RAPGEF6: variants seen among roughly 807,000 people sequenced by gnomAD.
The protein encoded by RAPGEF6 is PDZ domain containing guanine nucleotide exchange factor (GEF) 2.
In RAPGEF6, 56 loss-of-function variants were observed where a neutral mutation model predicts 171.4. The observed-to-expected ratio is 0.33, with a 90% CI of 0.26 to 0.41. The LOEUF (loss-of-function observed/expected upper bound fraction) is 0.41, where lower values mean the gene tolerates loss of function less well. Ranked by LOEUF, RAPGEF6 falls within the 10% of genes least tolerant of loss-of-function variation. RAPGEF6 has a pLI of 1.00. For missense variants in RAPGEF6, 1,674 were observed against 1,921.4 expected, an observed-to-expected ratio of 0.87 and a Z score of 2.41; for synonymous variants, 692 against 650.1, an observed-to-expected ratio of 1.06 and a Z score of -0.98.
intron 1 of RAPGEF6, among the ~76,000 whole-genome samples, chr5:131,609,656 AAC>A (rs766176290): frequency 3.3e-5 from 5 of 152,218 alleles, no homozygotes; most frequent in Non-Finnish European, 7.3e-5. Context: ...ACCTGTCAGC[AAC>A]AGAGACCAAC....
rs1751433503 is a variant in RAPGEF6, at chr5:131,427,252, A to T, written c.*14T>A. 3 of 1,607,208 alleles carry T rather than the reference A, an allele frequency of 1.9e-6. No homozygotes were observed. The highest frequency in any genetic ancestry group is 1.3e-5 in the African/African-American group (1 of 74,806). ...CCACGACTTTCAGTGGTTTTCAAAT[A>T]GGTCATCCAAAGGCTAGACTGCTGA... On this transcript the variant is annotated 3_prime_UTR_variant, in exon 28 of 28. Coordinates refer to ENST00000509018, the MANE Select transcript of RAPGEF6 (RefSeq NM_016340.6).
chr5:131,592,586 C>G (rs535053136), intron 3 of RAPGEF6, 120 bp from the exon 4 acceptor site: 1 of 1,443,946 alleles, frequency 6.9e-7, no homozygotes, highest in East Asian at 2.6e-5. Context: ...GTAACACTAC[C>G]TGGAAATTTG....
At position 131,531,748 on chromosome 5, in the gene RAPGEF6, T is replaced by G. The variant is rs559250065; in HGVS notation, c.496-10227A>C. Among the ~76,000 whole-genome samples, 5 of 152,282 alleles carry G rather than the reference T, an allele frequency of 3.3e-5. No individual in the cohort carries two copies. In the South Asian group the frequency reaches 8.3e-4, roughly 25 times the overall value. On this transcript the variant is annotated intron_variant, in intron 6 of 27. Coordinates refer to ENST00000509018, the MANE Select transcript of RAPGEF6 (RefSeq NM_016340.6). ...GAAAAATGTCATATAATCTGGCAAT[T>G]AGACTAACATACCTAAATATATCAA...
At chr5:131,524,639 AGAG>A (rs1561535018) in intron 6 of RAPGEF6, among the ~76,000 whole-genome samples, 2 of 124,858 alleles carry the variant, frequency 1.6e-5, no homozygotes, top group African/African-American at 5.5e-5. Context: ...AGAGAGAGAG[AGAG>A]ACTTGCTCTG....
At chr5:131,545,818 A>G (rs1037867296) in intron 6 of RAPGEF6, among the ~76,000 whole-genome samples, 4 of 152,224 alleles carry the variant, frequency 2.6e-5, no homozygotes, top group East Asian at 1.9e-4. Context: ...TTAATAAATC[A>G]GTTTTGTCTA....
intron 1 of RAPGEF6, among the ~76,000 whole-genome samples, chr5:131,633,916 A>G (rs1289474833): frequency 1.3e-5 from 2 of 152,208 alleles, no homozygotes; most frequent in African/African-American, 4.8e-5. Context: ...TTATAAATGT[A>G]TATCTCAAAA....
intron 19 of RAPGEF6, among the ~76,000 whole-genome samples, chr5:131,457,907 T>A (rs1753630351): frequency 1.3e-5 from 2 of 152,168 alleles, no homozygotes; most frequent in African/African-American, 4.8e-5. Flanking sequence ...TGAAGAAAAT[T>A]AGATTGTTTA....
chr5:131,622,285 A>G (rs1321612699), intron 1 of RAPGEF6, among the ~76,000 whole-genome samples: 1 of 152,226 alleles, frequency 6.6e-6, no homozygotes, highest in Non-Finnish European at 1.5e-5. Flanking sequence ...TTTGATTCTG[A>G]GAGATTGAGG....
intron 1 of RAPGEF6, among the ~76,000 whole-genome samples, chr5:131,610,396 G>A (rs1764866512): frequency 6.6e-6 from 1 of 152,202 alleles, no homozygotes; most frequent in Non-Finnish European, 1.5e-5. Flanking sequence ...AAGAAGAGTT[G>A]CCATTTTGGC....
At chr5:131,545,591 T>C (rs372163349) in intron 6 of RAPGEF6, among the ~76,000 whole-genome samples, 1 of 152,214 alleles carries the variant, frequency 6.6e-6, no homozygotes, top group African/African-American at 2.4e-5. Flanking sequence ...CTACATAGCA[T>C]CCTTACCTAG....
chr5:131,629,490 C>T (rs1766158770), intron 1 of RAPGEF6, among the ~76,000 whole-genome samples: 1 of 150,696 alleles, frequency 6.6e-6, no homozygotes, highest in Non-Finnish European at 1.5e-5. Context: ...GAAATAGAGC[C>T]TGGGCTGGCT....
intron 4 of RAPGEF6, among the ~76,000 whole-genome samples, chr5:131,579,371 T>C (rs562136179): frequency 6.6e-6 from 1 of 152,354 alleles, no homozygotes; most frequent in Non-Finnish European, 1.5e-5. Context: ...GGTTGCCTGC[T>C]GGCTGGCACA....
At chr5:131,536,710 C>T (rs1759801819) in intron 6 of RAPGEF6, among the ~76,000 whole-genome samples, 1 of 152,056 alleles carries the variant, frequency 6.6e-6, no homozygotes, top group Admixed American at 6.6e-5. Context: ...ATAAAAGGCA[C>T]CACTATGCTT....
chr5:131,635,036 C>T lies in RAPGEF6; in HGVS notation c.-6G>A, dbSNP rs370625268. Reference sequence around the variant, plus strand: ...GGGTCCACGGGTGAGTTCATGGCCACGGCCCGGGTACTCCGCAGCCTGCCC... The same window carrying T: ...GGGTCCACGGGTGAGTTCATGGCCATGGCCCGGGTACTCCGCAGCCTGCCC... On this transcript the variant is annotated 5_prime_UTR_variant, in exon 1 of 28. In the 5' UTR this introduces an upstream ATG that the reference lacks. Transcript: ENST00000509018. 36 of 1,603,634 alleles carry T rather than the reference C, an allele frequency of 2.2e-5. No homozygotes were observed. The African/African-American group carries it at 4.3e-4, about 19-fold the overall frequency.
chr5:131,489,854 A>C (rs1756163888), intron 14 of RAPGEF6, among the ~76,000 whole-genome samples, 200 bp from the exon 15 acceptor site: 1 of 151,946 alleles, frequency 6.6e-6, no homozygotes. Context: ...CTTTACTATA[A>C]ACTTTTTTTT....
At chr5:131,570,872 A>C (rs1236843236) in intron 4 of RAPGEF6, among the ~76,000 whole-genome samples, 1 of 152,016 alleles carries the variant, frequency 6.6e-6, no homozygotes, top group Non-Finnish European at 1.5e-5. Flanking sequence ...TGAAAAATTT[A>C]GAGCTAAGAT....
intron 1 of RAPGEF6, among the ~76,000 whole-genome samples, chr5:131,605,432 T>C (rs1409520624): frequency 7.9e-5 from 12 of 152,224 alleles, no homozygotes; most frequent in Admixed American, 7.9e-4. Context: ...ACATGGCACA[T>C]GTATACATAT....
At chr5:131,472,424 CA>C in intron 17 of RAPGEF6, 162 bp downstream of exon 17, 1 of 832,532 alleles carries the variant, frequency 1.2e-6, no homozygotes, top group Non-Finnish European at 2.0e-6. Flanking sequence ...AAGTACCATT[CA>C]AATTAACAGA....
At chr5:131,561,927 G>A in intron 5 of RAPGEF6, 51 bp downstream of exon 5, 1 of 1,394,742 alleles carries the variant, frequency 7.2e-7, no homozygotes, top group East Asian at 2.4e-5. Flanking sequence ...TACATTTAAA[G>A]TTAAAACTGA....
Sources: gnomAD v4.1 joint callset for allele counts (sites outside exome capture counted in the v4.1 genomes callset) on GRCh38, gnomAD v4.1.1 for gene constraint, MANE v1.5 for transcripts, NCBI Gene and HGNC (gene_info 2026-07-23, HGNC 2026-07-21) for gene names.